The following TBL1XR1 variants were observed in gnomAD, a reference collection of about 807,000 sequenced individuals.
The protein encoded by TBL1XR1 is F-box-like/WD repeat-containing protein TBL1XR1.
TBL1XR1 carries 5 observed loss-of-function variants against 66.9 expected under a neutral mutation model. The ratio of observed to expected loss-of-function variants is 0.07; its 90% CI spans 0.04 to 0.16. TBL1XR1 has a LOEUF of 0.16. TBL1XR1 is among the 10% of genes least tolerant of loss of function. The pLI is 1.00. For missense variants in TBL1XR1, 238 were observed against 623.2 expected (o/e 0.38, Z 6.58); for synonymous variants, 210 against 206.0 (o/e 1.02, Z -0.17).
chr3:177,114,491 G>A (rs949258013), intron 1 of TBL1XR1, among the ~76,000 whole-genome samples: 9 of 151,646 alleles, frequency 5.9e-5, no homozygotes, highest in Non-Finnish European at 8.8e-5. Context: ...TGTAGAGACG[G>A]GCCCTCACAC....
intron 1 of TBL1XR1, among the ~76,000 whole-genome samples, chr3:177,192,420 A>T (rs538023346): frequency 4.8e-4 from 73 of 151,960 alleles, no homozygotes; most frequent in South Asian, 2.1e-4. Context: ...AAAAAGAAAG[A>T]AAGTAAGTTG....
At chr3:177,112,074 AAT>A (rs1170375681) in intron 1 of TBL1XR1, among the ~76,000 whole-genome samples, 1,318 of 40,872 alleles carry the variant, frequency 0.032, 50 homozygotes, top group South Asian at 0.046. Context: ...TATAAAATCA[AAT>A]ATATATATAT....
intron 1 of TBL1XR1, among the ~76,000 whole-genome samples, chr3:177,132,625 G>A (rs1360293010): frequency 1.3e-5 from 2 of 152,150 alleles, no homozygotes; most frequent in African/African-American, 4.8e-5. Flanking sequence ...AAGTCATAGA[G>A]ACAAAATGGG....
chr3:177,064,833 G>A (rs1262263952), intron 3 of TBL1XR1, 87 bp downstream of exon 3: 12 of 924,014 alleles, frequency 1.3e-5, no homozygotes, highest in Non-Finnish European at 2.0e-5. Flanking sequence ...TCAACGGTTT[G>A]GACTGATACA....
rs150336541 is a variant in TBL1XR1, at chr3:177,058,419, C to T, written c.59-4501G>A. ...TAAAATTTCGTGCCCTAATTTTGCCCTTAAAAATACATGTAACTATGAACA... is the reference window on the plus strand; with the variant it reads ...TAAAATTTCGTGCCCTAATTTTGCCTTTAAAAATACATGTAACTATGAACA... On this transcript the variant is annotated intron_variant, in intron 3 of 15. Coordinates refer to ENST00000457928, the MANE Select transcript of TBL1XR1 (RefSeq NM_024665.7). 2.6e-3 allele frequency among the ~76,000 whole-genome samples: 401 copies of T among 152,172 alleles called. 1 individual carries two copies. The highest frequency in any genetic ancestry group is 9.2e-3 in the African/African-American group (382 of 41,530).
intron 2 of TBL1XR1, among the ~76,000 whole-genome samples, chr3:177,094,428 A>T (rs1723207895): frequency 6.6e-6 from 1 of 152,240 alleles, no homozygotes; most frequent in Non-Finnish European, 1.5e-5. Flanking sequence ...TCCTTAAAGA[A>T]CTAACAGTAG....
upstream of TBL1XR1, among the ~76,000 whole-genome samples, chr3:177,198,018 G>T (rs1463467040): frequency 1.3e-5 from 2 of 151,634 alleles, no homozygotes; most frequent in Non-Finnish European, 2.9e-5. Flanking sequence ...GCCCGGCGGC[G>T]TTGGGGGCTG....
At chr3:177,030,052 G>A (rs1009319392) in intron 14 of TBL1XR1, among the ~76,000 whole-genome samples, 9 of 151,916 alleles carry the variant, frequency 5.9e-5, no homozygotes, top group East Asian at 5.8e-4. Flanking sequence ...TAAATATACC[G>A]TATGGGCCAT....
intron 12 of TBL1XR1, among the ~76,000 whole-genome samples, chr3:177,034,568 G>C (rs1160088366): frequency 6.6e-6 from 1 of 151,918 alleles, no homozygotes; most frequent in African/African-American, 2.4e-5. Flanking sequence ...AAAGTTTGAA[G>C]ACTGAATTAA....
intron 9 of TBL1XR1, 76 bp downstream of exon 9, chr3:177,047,224 G>T: frequency 8.4e-7 from 1 of 1,188,060 alleles, no homozygotes; most frequent in Non-Finnish European, 1.2e-6. Context: ...TTATGTAATT[G>T]GCAGCTAAGA....
chr3:177,131,508 ATCT>A, intron 1 of TBL1XR1: 4 of 444,332 alleles, frequency 9.0e-6, no homozygotes, highest in Non-Finnish European at 1.1e-5. Context: ...CATTCTGAAT[ATCT>A]TTTTTTTTTT....
Position 177,053,937 on chromosome 3 carries a change from G to A in TBL1XR1, c.59-19C>T. On this transcript the variant is annotated intron_variant, in intron 3 of 15. Coordinates refer to ENST00000457928, the MANE Select transcript of TBL1XR1 (RefSeq NM_024665.7). Reference sequence around the variant, plus strand: ...GAAAATCCTAAAAACAAAAGAAAAGGCATGAGAATTTATTTTCCTAGTGGC... The same window carrying A: ...GAAAATCCTAAAAACAAAAGAAAAGACATGAGAATTTATTTTCCTAGTGGC... 1 of 1,590,516 alleles carries A rather than the reference G, an allele frequency of 6.3e-7. No individual in the cohort carries two copies. The highest frequency in any genetic ancestry group is 8.5e-7 in the Non-Finnish European group (1 of 1,170,490).
chr3:177,045,933 T>C lies in TBL1XR1; in HGVS notation c.925+196A>G, dbSNP rs146268413. Among the ~76,000 whole-genome samples, 21 of 152,272 alleles carry C rather than the reference T, an allele frequency of 1.4e-4. No individual in the cohort carries two copies. The East Asian group carries it at 3.9e-3, about 28-fold the overall frequency. Reference sequence around the variant, plus strand: ...GCACCAGGCTGCAAATGCTTTATGGTACATTTCACAGAAAACGTTTGATGA... The same window carrying C: ...GCACCAGGCTGCAAATGCTTTATGGCACATTTCACAGAAAACGTTTGATGA... On this transcript the variant is annotated intron_variant, in intron 10 of 15. Transcript: ENST00000457928.
At chr3:177,086,989 T>A (rs1722210613) in intron 2 of TBL1XR1, 1 of 149,298 alleles carries the variant, frequency 6.7e-6, no homozygotes, top group East Asian at 2.0e-4. Flanking sequence ...AAGTGAATCA[T>A]CCTGAAGGTC....
At chr3:177,069,814 AAGGAAGG>A (rs1380234308) in intron 2 of TBL1XR1, among the ~76,000 whole-genome samples, 32 of 133,652 alleles carry the variant, frequency 2.4e-4, no homozygotes, top group African/African-American at 7.0e-4. Context: ...GGAAGGAAGG[AAGGAAGG>A]AAGGAAGGAA....
At chr3:177,196,507 C>G (rs1316475665) in intron 1 of TBL1XR1, 2 of 148,024 alleles carry the variant, frequency 1.4e-5, no homozygotes, top group Non-Finnish European at 3.0e-5. Context: ...GCCCCCGCCC[C>G]GGACGCGCGG....
At chr3:177,160,472 T>C (rs1005509794) in intron 1 of TBL1XR1, among the ~76,000 whole-genome samples, 1 of 100,440 alleles carries the variant, frequency 1.0e-5, no homozygotes, top group African/African-American at 3.1e-5. Flanking sequence ...AGACTCTGTC[T>C]CAAAAAAAAA....
intron 1 of TBL1XR1, among the ~76,000 whole-genome samples, chr3:177,128,226 A>C (rs1315159513): frequency 4.6e-5 from 7 of 152,250 alleles, no homozygotes; most frequent in Admixed American, 2.0e-4. Flanking sequence ...CTCAGGAAAA[A>C]AAGACAAAAA....
chr3:177,162,224 C>T (rs1309919370), intron 1 of TBL1XR1, among the ~76,000 whole-genome samples: 1 of 152,120 alleles, frequency 6.6e-6, no homozygotes, highest in African/African-American at 2.4e-5. Flanking sequence ...TACACTTATG[C>T]GTGTGTATCA....
Sources: gnomAD v4.1 joint callset for allele counts (sites outside exome capture counted in the v4.1 genomes callset) on GRCh38, gnomAD v4.1.1 for gene constraint, MANE v1.5 for transcripts, NCBI Gene and HGNC (gene_info 2026-07-23, HGNC 2026-07-21) for gene names.